LIFR: variants seen among roughly 807,000 people sequenced by gnomAD.
LIFR encodes leukemia inhibitory factor receptor.
LIFR carries 84 observed loss-of-function variants against 122.2 expected under a neutral mutation model. The ratio of observed to expected loss-of-function variants is 0.69; its 90% CI spans 0.58 to 0.82. LIFR has a LOEUF of 0.82. Among genes scored for constraint, LIFR ranks in the 40% least tolerant of loss-of-function variants. The pLI is 0.00. For missense variants in LIFR, 1,294 were observed against 1,311.6 expected (o/e 0.99, Z 0.21); for synonymous variants, 422 against 434.7 (o/e 0.97, Z 0.36).
chr5:38,592,716 T>C (rs1324267938), intron 1 of LIFR, among the ~76,000 whole-genome samples: 1 of 152,152 alleles, frequency 6.6e-6, no homozygotes, highest in East Asian at 1.9e-4. Flanking sequence ...TTTTTCTATT[T>C]TTTTAGAAAA....
intron 1 of LIFR, among the ~76,000 whole-genome samples, chr5:38,545,040 C>T (rs993347739): frequency 1.3e-5 from 2 of 152,014 alleles, no homozygotes; most frequent in African/African-American, 4.8e-5. Flanking sequence ...GAGGCTGAAG[C>T]CTGTGGATCA....
At chr5:38,535,095 G>C (rs1038452068) in intron 1 of LIFR, among the ~76,000 whole-genome samples, 1 of 152,110 alleles carries the variant, frequency 6.6e-6, no homozygotes, top group Non-Finnish European at 1.5e-5. Flanking sequence ...AAACAAAAAA[G>C]AACAAGAGAG....
rs1180218304 is a variant in LIFR, at chr5:38,481,338, T to C, written c.*257A>G. On this transcript the variant is annotated 3_prime_UTR_variant, in exon 20 of 20. Transcript: ENST00000453190. ...CTTGAAATGCTTCTTGAAGGTAGAG[T>C]ACATGAGAATTCTTTGGCTTGATCA... is the stretch of plus-strand genomic sequence containing the variant. 1.1e-5 allele frequency: 6 copies of C among 545,338 alleles called. No individual in the cohort carries two copies. Among genetic ancestry groups the C allele is most frequent in the Non-Finnish European group, 2.0e-5 (6 of 303,314 alleles). The allele number at this position is 545,338 out of a possible 1,614,324, so 33.8% of individuals were successfully genotyped here. A position where few individuals can be genotyped will look rare whatever the true frequency, so the allele number is the denominator to read the frequency against.
chr5:38,557,097 T>G (rs765001979), upstream of LIFR: 1 of 152,300 alleles, frequency 6.6e-6, no homozygotes, highest in Non-Finnish European at 1.5e-5. Context: ...AACCAGCTTC[T>G]GGGAGAGGGG....
intron 1 of LIFR, among the ~76,000 whole-genome samples, chr5:38,551,584 A>G (rs1453868287): frequency 6.6e-6 from 1 of 152,228 alleles, no homozygotes; most frequent in Admixed American, 6.5e-5. Flanking sequence ...TCTCTGGAAG[A>G]GCACCACACA....
At chr5:38,534,593 A>C (rs778800899) in intron 1 of LIFR, among the ~76,000 whole-genome samples, 1 of 152,220 alleles carries the variant, frequency 6.6e-6, no homozygotes, top group African/African-American at 2.4e-5. Context: ...CAGCACAAGG[A>C]ATCTGAAAAG....
chr5:38,579,329 A>G (rs1159991701), intron 1 of LIFR: 1 of 152,246 alleles, frequency 6.6e-6, no homozygotes, highest in Non-Finnish European at 1.5e-5. Context: ...GGGCCAGTGA[A>G]GTAGAGAAGG....
chr5:38,487,784 A>G (rs1336621660), intron 16 of LIFR, among the ~76,000 whole-genome samples: 1 of 152,180 alleles, frequency 6.6e-6, no homozygotes, highest in Non-Finnish European at 1.5e-5. Context: ...TAGGCCCTTC[A>G]GTTCTAAGGA....
intron 5 of LIFR, among the ~76,000 whole-genome samples, chr5:38,518,389 G>C (rs1182031773): frequency 2.6e-5 from 4 of 152,008 alleles, no homozygotes; most frequent in African/African-American, 4.8e-5. Context: ...ACTGTTGTGA[G>C]GATAAAAAGA....
intron 1 of LIFR, among the ~76,000 whole-genome samples, chr5:38,544,097 G>T (rs545973752): frequency 1.3e-5 from 2 of 151,916 alleles, no homozygotes; most frequent in South Asian, 4.2e-4. Context: ...AATGCATGCC[G>T]AAGGAAAAAA....
intron 5 of LIFR, among the ~76,000 whole-genome samples, chr5:38,516,947 T>G (rs1746115449): frequency 6.6e-6 from 1 of 151,642 alleles, no homozygotes; most frequent in South Asian, 2.1e-4. Context: ...CTCAGCAAAC[T>G]AACACAGGAA....
upstream of LIFR, among the ~76,000 whole-genome samples, chr5:38,599,158 T>G (rs967455419): frequency 9.2e-5 from 14 of 151,836 alleles, no homozygotes; most frequent in Non-Finnish European, 1.5e-5. Context: ...AAACAAAGAG[T>G]AAAGACAGAA....
upstream of LIFR, chr5:38,558,087 C>A (rs1748678735): frequency 1.3e-5 from 2 of 151,736 alleles, no homozygotes; most frequent in South Asian, 4.2e-4. Context: ...ATTTTAATTT[C>A]TTTTCAAATC....
At chr5:38,528,233 T>C (rs1746794650) in intron 3 of LIFR, among the ~76,000 whole-genome samples, 1 of 152,198 alleles carries the variant, frequency 6.6e-6, no homozygotes, top group East Asian at 1.9e-4. Flanking sequence ...TAGACATTCA[T>C]ACTCCTAGTG....
At chr5:38,580,881 C>T (rs1749558373) in intron 1 of LIFR, among the ~76,000 whole-genome samples, 1 of 152,122 alleles carries the variant, frequency 6.6e-6, no homozygotes, top group South Asian at 2.1e-4. Flanking sequence ...TCTCTATCTC[C>T]GTGTGCTTCA....
chr5:38,544,097 G>A (rs545973752), intron 1 of LIFR, among the ~76,000 whole-genome samples: 6 of 151,916 alleles, frequency 3.9e-5, no homozygotes, highest in Non-Finnish European at 5.9e-5. Context: ...AATGCATGCC[G>A]AAGGAAAAAA....
At chr5:38,595,824 C>A (rs1172770884), upstream of LIFR, among the ~76,000 whole-genome samples, 1 of 151,476 alleles carries the variant, frequency 6.6e-6, no homozygotes, top group Non-Finnish European at 1.5e-5. Flanking sequence ...GCTCCGCCTC[C>A]CGGGTTCCTG....
chr5:38,492,913 G>A (rs1744671970), intron 14 of LIFR, among the ~76,000 whole-genome samples: 1 of 152,182 alleles, frequency 6.6e-6, no homozygotes, highest in Non-Finnish European at 1.5e-5. Context: ...TAATTCCTAA[G>A]GACAAGGCTG....
chr5:38,549,105 C>G (rs1277243080), intron 1 of LIFR, among the ~76,000 whole-genome samples: 2 of 152,140 alleles, frequency 1.3e-5, no homozygotes, highest in Non-Finnish European at 2.9e-5. Flanking sequence ...CAAGACTCTT[C>G]ACCACACGGC....
Sources: gnomAD v4.1 joint callset for allele counts (sites outside exome capture counted in the v4.1 genomes callset) on GRCh38, gnomAD v4.1.1 for gene constraint, MANE v1.5 for transcripts, NCBI Gene and HGNC (gene_info 2026-07-23, HGNC 2026-07-21) for gene names.